Variants in PLCD4 observed in about 807,000 individuals in gnomAD.
PLCD4 encodes the protein 1-phosphatidylinositol 4,5-bisphosphate phosphodiesterase delta-4.
Under a neutral mutation model 90.2 loss-of-function variants are expected in PLCD4, and 63 were observed. The ratio of observed to expected loss-of-function variants is 0.70; its 90% CI spans 0.57 to 0.86. The LOEUF (loss-of-function observed/expected upper bound fraction) is 0.86. Ranked by LOEUF, PLCD4 falls within the 40% of genes least tolerant of loss-of-function variation. The pLI is 0.00. For missense variants in PLCD4, 830 were observed against 956.3 expected (o/e 0.87, Z 1.74); for synonymous variants, 294 against 356.5 (o/e 0.82, Z 1.97).
chr2:218,616,927 T>TATATATATATATAGAG (rs1553571947), intron 3 of PLCD4, among the ~76,000 whole-genome samples: 1 of 13,764 alleles, frequency 7.3e-5, no homozygotes, highest in Non-Finnish European at 1.3e-4. Flanking sequence ...TATATATATA[T>TATATATATATATAGAG]AGAGAGAGAG....
At chr2:218,614,966 C>T (rs1276386778) in intron 1 of PLCD4, among the ~76,000 whole-genome samples, 2 of 151,954 alleles carry the variant, frequency 1.3e-5, no homozygotes, top group Non-Finnish European at 2.9e-5. Context: ...CAGTGGCTCA[C>T]GCCTGTAATC....
At position 218,633,712 on chromosome 2, in the gene PLCD4, G is replaced by A. The variant is rs1448414828; in HGVS notation, c.1557G>A (p.Glu519=). 2 of 1,613,952 alleles carry A rather than the reference G, an allele frequency of 1.2e-6. No individual in the cohort carries two copies. The highest frequency in any genetic ancestry group is 2.2e-5 in the East Asian group (1 of 44,886). The part of the protein sequence containing the change: ...THSKEHYHFY[E]ISSFSETKAK... ...CAAAGGAGCACTACCACTTCTACGAGATATCATCTTTCTCTGAAACCAAGG... is the reference window on the plus strand; with the variant it reads ...CAAAGGAGCACTACCACTTCTACGAAATATCATCTTTCTCTGAAACCAAGG... Residue 519 remains glutamate (E), a synonymous_variant, in exon 11 of 16, where the codon GAG becomes GAA. Coordinates refer to ENST00000450993, the MANE Select transcript of PLCD4 (RefSeq NM_032726.4).
chr2:218,610,278 G>A (rs948861520), intron 1 of PLCD4, among the ~76,000 whole-genome samples: 2 of 151,906 alleles, frequency 1.3e-5, no homozygotes, highest in Non-Finnish European at 2.9e-5. Flanking sequence ...AGGCTGAGGC[G>A]GGTGGATCAT....
In PLCD4 at chr2:218,628,324, T is replaced by C. The variant is rs780036584; in HGVS notation, c.974+94T>C. Reference sequence around the variant, plus strand: ...AGTGTCTAACAGATTGGGACAGTGTTGTGGGGGTTTAGGGGCTGAGGAGCC... The same window carrying C: ...AGTGTCTAACAGATTGGGACAGTGTCGTGGGGGTTTAGGGGCTGAGGAGCC... On this transcript the variant is annotated intron_variant, in intron 7 of 15. Coordinates refer to ENST00000450993, the MANE Select transcript of PLCD4 (RefSeq NM_032726.4). 6 of 1,306,938 alleles carry C rather than the reference T, an allele frequency of 4.6e-6. No homozygotes were observed. The South Asian group carries it at 7.6e-5, about 16-fold the overall frequency. The allele number at this position is 1,306,938 out of a possible 1,614,324, so 81.0% of individuals were successfully genotyped here.
Position 218,635,659 on chromosome 2 carries a change from G to A in PLCD4, c.1897-137G>A, listed in dbSNP as rs903953370. 4.8e-6 allele frequency: 6 copies of A among 1,259,372 alleles called. No homozygotes were observed. The African/African-American group carries it at 9.1e-5, about 19-fold the overall frequency. 78.0% of individuals were successfully genotyped at this position (1,259,372 alleles called of 1,614,324 possible). ...TTGGGTGCATTTTAAATTGCAGATA[G>A]AATACTAGAAGAAAATATATTACCC... On this transcript the variant is annotated intron_variant, in intron 13 of 15. Transcript: ENST00000450993.
intron 11 of PLCD4, 108 bp from the exon 12 acceptor site, chr2:218,633,997 C>T (rs1696551311): frequency 1.4e-6 from 2 of 1,444,468 alleles, no homozygotes; most frequent in Non-Finnish European, 1.9e-6. Flanking sequence ...CTTTCTGGAG[C>T]CAGCTTCAGA....
Position 218,610,141 on chromosome 2 carries a change from A to T in PLCD4, c.-34+2071A>T, listed in dbSNP as rs558804122. Among the ~76,000 whole-genome samples the T allele has an allele frequency of 1.4e-3, 220 of 151,996 alleles. 1 individual carries two copies. In the East Asian group the frequency reaches 0.016, roughly 11 times the overall value. ...CAAAACAAATAATAATTTAAAAAAA[A>T]TTTTTTTTATAGTGAACTGGGAAGA... On this transcript the variant is annotated intron_variant, in intron 1 of 15. Coordinates refer to ENST00000450993, the MANE Select transcript of PLCD4 (RefSeq NM_032726.4).
At position 218,629,770 on chromosome 2, in the gene PLCD4, AAG is replaced by A. The variant is rs1575033392; in HGVS notation, c.1119+110_1119+111del. 1.6e-5 allele frequency: 20 copies of A among 1,250,524 alleles called. No homozygotes were observed. In the East Asian group the frequency reaches 5.0e-4, roughly 31 times the overall value. 77.5% of individuals were successfully genotyped at this position (1,250,524 alleles called of 1,614,324 possible). On this transcript the variant is annotated intron_variant, in intron 8 of 15. Transcript: ENST00000450993. ...AGGAGTACAGGGGAAGTTCCATCAAAAGAGGATTTAACTGTAAAGCATCAGGC... is the reference window on the plus strand; with the variant it reads ...AGGAGTACAGGGGAAGTTCCATCAAAAGGATTTAACTGTAAAGCATCAGGC...
At position 218,633,664 on chromosome 2, in the gene PLCD4, C is replaced by T. The variant is rs1483758975; in HGVS notation, c.1509C>T (p.Val503=). 6.2e-7 allele frequency: 1 copy of T among 1,613,394 alleles called. No individual in the cohort carries two copies. The highest frequency in any genetic ancestry group is 1.1e-5 in the South Asian group (1 of 91,072). ...LSSLVIYLKS[V]SFRSFTHSKE... ...CCCTGGTTATCTACTTGAAGTCTGT[C>T]TCATTCCGCAGCTTCACACATTCAA... The change falls in exon 11 of 16, where the codon GTC becomes GTT. Residue 503 remains valine (V), a synonymous_variant. Transcript: ENST00000450993.
chr2:218,613,432 G>A (rs562840242), intron 1 of PLCD4, among the ~76,000 whole-genome samples: 3 of 148,300 alleles, frequency 2.0e-5, no homozygotes, highest in Admixed American at 6.7e-5. Flanking sequence ...CATTTTTCAG[G>A]TAGAGATACC....
chr2:218,636,403 C>G lies in PLCD4; in HGVS notation c.2182+11C>G. ...CCTGCATGCAACAAGGTGAGCCAGC[C>G]CCTTTGGCCCCTGGCCAATACCCCA... On this transcript the variant is annotated intron_variant, in intron 15 of 15. Transcript: ENST00000450993. 6.2e-7 allele frequency: 1 copy of G among 1,613,990 alleles called. No homozygotes were observed. Among genetic ancestry groups the G allele is most frequent in the Non-Finnish European group, 8.5e-7 (1 of 1,179,888 alleles).
chr2:218,634,949 A>G lies in PLCD4; in HGVS notation c.1896+319A>G, dbSNP rs2106169373. Among the ~76,000 whole-genome samples, 1 of 152,286 alleles carries G rather than the reference A, an allele frequency of 6.6e-6. No homozygotes were observed. Among genetic ancestry groups the G allele is most frequent in the South Asian group, 2.1e-4 (1 of 4,824 alleles). ...TTCCTGGCACACAGGAAGTGCTATA[A>G]AAGAGGCTGGCTGGGAGCGATAGCT... On this transcript the variant is annotated intron_variant, in intron 13 of 15. Coordinates refer to ENST00000450993, the MANE Select transcript of PLCD4 (RefSeq NM_032726.4). This position sits in a 1 kb window ranked among gnomAD's most constrained non-coding sequence, Gnocchi z 4.0.
chr2:218,619,656 A>G (rs1695784463), intron 4 of PLCD4, among the ~76,000 whole-genome samples: 1 of 151,970 alleles, frequency 6.6e-6, no homozygotes. Context: ...GGAACTGTGT[A>G]AATAATTTTT....
At chr2:218,623,151 T>C (rs1695958030) in intron 6 of PLCD4, among the ~76,000 whole-genome samples, 1 of 152,224 alleles carries the variant, frequency 6.6e-6, no homozygotes, top group African/African-American at 2.4e-5. Flanking sequence ...ATGTTTCCTT[T>C]ACTTTCAGGA....
chr2:218,621,404 G>A (rs1449829309), intron 4 of PLCD4, 66 bp from the exon 5 acceptor site: 14 of 1,582,978 alleles, frequency 8.8e-6, no homozygotes, highest in African/African-American at 5.4e-5. Flanking sequence ...GTCAGTGGAC[G>A]AAGGTGCACA....
At chr2:218,626,242 G>C (rs1696111567) in intron 6 of PLCD4, among the ~76,000 whole-genome samples, 2 of 134,608 alleles carry the variant, frequency 1.5e-5, no homozygotes, top group Non-Finnish European at 3.2e-5. Flanking sequence ...GGGTGACAGA[G>C]TGAGACTCTG....
rs17601488 is a variant in PLCD4 at position 218,629,275 on chromosome 2, G to A, written c.975-244G>A. The stretch of plus-strand genomic sequence containing the variant: ...AACCAGAACACCAGATGCATCATGA[G>A]GCAATGTGTGATGGATTGCTATGGA... On this transcript the variant is annotated intron_variant, in intron 7 of 15. Coordinates refer to ENST00000450993, the MANE Select transcript of PLCD4 (RefSeq NM_032726.4). The A allele has an allele frequency of 2.4e-3, 1,103 of 458,330 alleles. 19 individuals are homozygous for A. The East Asian group carries it at 0.03, about 12-fold the overall frequency. 28.4% of individuals were successfully genotyped at this position (458,330 alleles called of 1,614,324 possible).
chr2:218,627,990 C>A, intron 6 of PLCD4, 39 bp from the exon 7 acceptor site: 1 of 1,556,728 alleles, frequency 6.4e-7, no homozygotes, highest in Non-Finnish European at 8.8e-7. Context: ...TGCTCCCATT[C>A]AGAGCTTCTC....
chr2:218,616,898 T>TTTTATATATATATATATATA (rs1553571887), intron 3 of PLCD4, among the ~76,000 whole-genome samples: 3 of 6,254 alleles, frequency 4.8e-4, no homozygotes, highest in Non-Finnish European at 1.3e-3. Flanking sequence ...AGCCATTATT[T>TTTTATATATATATATATATA]TATATATATA....
Sources: gnomAD v4.1 joint callset for allele counts (sites outside exome capture counted in the v4.1 genomes callset) on GRCh38, gnomAD v4.1.1 for gene constraint, Gnocchi (gnomAD v3.1) non-coding constraint, MANE v1.5 for transcripts, NCBI Gene and HGNC (gene_info 2026-07-23, HGNC 2026-07-21) for gene names.